ADGRV1: variants seen among roughly 807,000 people sequenced by gnomAD.
ADGRV1 encodes the protein adhesion G protein-coupled receptor V1.
Under a neutral mutation model 596.2 loss-of-function variants are expected in ADGRV1, and 359 were observed. The ratio of observed to expected loss-of-function variants is 0.60; its 90% CI spans 0.55 to 0.66. The LOEUF is 0.66. ADGRV1 is among the 30% of genes least tolerant of loss of function. ADGRV1 has a pLI of 0.00. For missense variants in ADGRV1, 7,274 were observed against 7,575.6 expected (o/e 0.96, Z 1.48); for synonymous variants, 2,681 against 2,679.2 (o/e 1.00, Z -0.02).
At chr5:91,073,838 C>T (rs1266309009) in intron 86 of ADGRV1, among the ~76,000 whole-genome samples, 1 of 152,144 alleles carries the variant, frequency 6.6e-6, no homozygotes, top group Non-Finnish European at 1.5e-5. Context: ...GCTGGGACTA[C>T]ATTCATGTGC....
intron 75 of ADGRV1, among the ~76,000 whole-genome samples, chr5:90,817,839 A>G (rs1430530288): frequency 2.6e-5 from 4 of 152,146 alleles, no homozygotes; most frequent in Non-Finnish European, 4.4e-5. Flanking sequence ...GTTTGAAATC[A>G]GGTAGTGTGA....
chr5:90,596,321 G>C (rs1409062867), intron 1 of ADGRV1, among the ~76,000 whole-genome samples: 1 of 150,904 alleles, frequency 6.6e-6, no homozygotes, highest in African/African-American at 2.4e-5. Context: ...CAACCAGGCA[G>C]AGGGGCTCCT....
intron 85 of ADGRV1, among the ~76,000 whole-genome samples, chr5:91,047,215 C>T (rs1785909391): frequency 6.6e-6 from 1 of 152,062 alleles, no homozygotes; most frequent in African/African-American, 2.4e-5. Context: ...CAAACAGTTC[C>T]CTTATTGTTA....
At chr5:90,793,506 G>C (rs1581141847) in intron 70 of ADGRV1, among the ~76,000 whole-genome samples, 1 of 152,278 alleles carries the variant, frequency 6.6e-6, no homozygotes, top group East Asian at 1.9e-4. Flanking sequence ...AACGTGTATA[G>C]TACAAAATTG....
chr5:90,821,654 G>A (rs1763521034), intron 75 of ADGRV1, among the ~76,000 whole-genome samples: 1 of 151,702 alleles, frequency 6.6e-6, no homozygotes, highest in Non-Finnish European at 1.5e-5. Context: ...CTCAGCTGCA[G>A]GTCTGTTGGA....
At chr5:90,813,292 A>C (rs751372240) in intron 74 of ADGRV1, among the ~76,000 whole-genome samples, 1 of 152,084 alleles carries the variant, frequency 6.6e-6, no homozygotes, top group East Asian at 1.9e-4. Context: ...GGCCAGGCCC[A>C]TTAAAATGGC....
Position 91,097,743 on chromosome 5 carries a change from CTTG to C in ADGRV1, c.18311-4473_18311-4471del, listed in dbSNP as rs143961027. ...ATATGCTCACCAACACTTACTATTT[CTTG>C]TTTTTTTGATAATAATCATTCTAGT... On this transcript the variant is annotated intron_variant, in intron 86 of 89. Coordinates refer to ENST00000405460, the MANE Select transcript of ADGRV1 (RefSeq NM_032119.4). 5.3e-3 allele frequency among the ~76,000 whole-genome samples: 800 copies of C among 152,074 alleles called. 6 individuals are homozygous for C. The highest frequency in any genetic ancestry group is 0.018 in the African/African-American group (762 of 41,480).
intron 70 of ADGRV1, among the ~76,000 whole-genome samples, chr5:90,797,071 C>G (rs544187270): frequency 6.6e-6 from 1 of 151,364 alleles, no homozygotes; most frequent in East Asian, 1.9e-4. Context: ...AACTAATGGG[C>G]AAAATAACCA....
At chr5:91,085,167 A>T (rs1421156076) in intron 86 of ADGRV1, among the ~76,000 whole-genome samples, 2 of 152,224 alleles carry the variant, frequency 1.3e-5, no homozygotes, top group East Asian at 3.8e-4. Context: ...AACATGGCAC[A>T]TGTATACCTA....
At chr5:90,874,907 A>C (rs1769086213) in intron 83 of ADGRV1, among the ~76,000 whole-genome samples, 1 of 152,162 alleles carries the variant, frequency 6.6e-6, no homozygotes, top group South Asian at 2.1e-4. Context: ...AAAACAATGA[A>C]GTTAAAAGAA....
intron 83 of ADGRV1, among the ~76,000 whole-genome samples, chr5:90,864,443 G>A (rs1197734956): frequency 6.6e-6 from 1 of 152,042 alleles, no homozygotes; most frequent in Non-Finnish European, 1.5e-5. Flanking sequence ...CTATCCATAC[G>A]GTGTTCATAG....
At chr5:91,052,437 T>C (rs1180504223) in intron 85 of ADGRV1, among the ~76,000 whole-genome samples, 3 of 130,794 alleles carry the variant, frequency 2.3e-5, no homozygotes, top group Non-Finnish European at 4.9e-5. Context: ...TGCATATTTC[T>C]TTTTTTTTTT....
In ADGRV1 at chr5:90,637,814, G is replaced by A. The variant is rs749630454; in HGVS notation, c.2106G>A (p.Val702=). The A allele has an allele frequency of 5.1e-5, 82 of 1,613,534 alleles. No individual in the cohort carries two copies. Among genetic ancestry groups the A allele is most frequent in the African/African-American group, 1.1e-4 (8 of 74,906 alleles). The change falls in exon 11 of 90, where the codon GTG becomes GTA. Residue 702 remains valine, a synonymous_variant. Coordinates refer to ENST00000405460, the MANE Select transcript of ADGRV1 (RefSeq NM_032119.4). ...LKPSGFNSKA[V]TPDDIGPFNG... ...CCTCTGGCTTTAATTCAAAAGCAGT[G>A]ACCCCGGATGATATAGGCCCCTTTA... is the stretch of plus-strand genomic sequence containing the variant.
rs1277216246 is a variant in ADGRV1, at chr5:91,129,267, A to ATT, written c.18433-20760_18433-20759dup. On this transcript the variant is annotated intron_variant, in intron 87 of 89. Coordinates refer to ENST00000405460, the MANE Select transcript of ADGRV1 (RefSeq NM_032119.4). ...ATCATTATTAAACATCTACTTTTAA[A>ATT]TTTTCTCCCCACTGTGATTATCATG... Among the ~76,000 whole-genome samples, 13 of 151,128 alleles carry ATT rather than the reference A, an allele frequency of 8.6e-5. No individual in the cohort carries two copies. In the East Asian group the frequency reaches 2.6e-3, roughly 30 times the overall value.
At chr5:90,671,596 C>T (rs546405073) in intron 21 of ADGRV1, among the ~76,000 whole-genome samples, 32 of 152,310 alleles carry the variant, frequency 2.1e-4, no homozygotes, top group African/African-American at 6.7e-4. Context: ...CCAAATCTGT[C>T]CTCTCCAAAA....
At chr5:90,655,327 T>C (rs1371147123) in intron 20 of ADGRV1, 1 of 152,200 alleles carries the variant, frequency 6.6e-6, no homozygotes, top group Non-Finnish European at 1.5e-5. Context: ...CTTCTTTTGC[T>C]CAGTATTGTT....
chr5:90,988,883 A>G (rs1431072026), intron 85 of ADGRV1, among the ~76,000 whole-genome samples: 2 of 148,976 alleles, frequency 1.3e-5, no homozygotes, highest in Non-Finnish European at 3.0e-5. Flanking sequence ...GAGTAAGAAC[A>G]TGTGGTGTTT....
At chr5:91,129,533 A>G (rs1406690127) in intron 87 of ADGRV1, among the ~76,000 whole-genome samples, 2 of 152,184 alleles carry the variant, frequency 1.3e-5, no homozygotes, top group Non-Finnish European at 2.9e-5. Context: ...TCATTTCAAC[A>G]ATACTGTGCA....
chr5:91,098,353 G>A (rs944690977), intron 86 of ADGRV1, among the ~76,000 whole-genome samples: 1 of 151,088 alleles, frequency 6.6e-6, no homozygotes, highest in East Asian at 2.0e-4. Context: ...GGTTAAAGGT[G>A]CCTCCTCAGA....
Sources: gnomAD v4.1 joint callset for allele counts (sites outside exome capture counted in the v4.1 genomes callset) on GRCh38, gnomAD v4.1.1 for gene constraint, MANE v1.5 for transcripts, NCBI Gene and HGNC (gene_info 2026-07-23, HGNC 2026-07-21) for gene names.